Variants in RPSA2 observed in about 807,000 individuals in gnomAD.
RPSA2 encodes ribosomal protein SA 2, also known as small ribosomal subunit protein uS2B.
the RPSA2 span, among the ~76,000 whole-genome samples, chr19:23,766,758 G>GTTT: frequency 7.5e-6 from 1 of 134,042 alleles, no homozygotes; most frequent in African/African-American, 2.8e-5. Flanking sequence ...CGGGCCAAAT[G>GTTT]TTTTTTTTTT....
the RPSA2 span, among the ~76,000 whole-genome samples, chr19:23,811,081 C>T: frequency 1.8e-3 from 278 of 150,478 alleles, 1 homozygote; most frequent in African/African-American, 6.3e-3. Context: ...TGCAGTGGCA[C>T]GATCTTGACT....
At chr19:23,847,439 G>A in the RPSA2 span, among the ~76,000 whole-genome samples, 3 of 152,098 alleles carry the variant, frequency 2.0e-5, no homozygotes, top group African/African-American at 4.8e-5. Flanking sequence ...CTGGGCTGCC[G>A]GGGGTGACAT....
chr19:23,794,818 CAAAT>C, the RPSA2 span, among the ~76,000 whole-genome samples: 1 of 152,026 alleles, frequency 6.6e-6, no homozygotes, highest in Non-Finnish European at 1.5e-5. Flanking sequence ...TTATAATTTT[CAAAT>C]AAATATTTCA....
the RPSA2 span, chr19:23,807,802 T>C: frequency 2.6e-6 from 1 of 382,960 alleles, no homozygotes; most frequent in South Asian, 2.5e-5. Flanking sequence ...TTTGTACATA[T>C]GTGTGTTTGT....
chr19:23,853,979 T>A, the RPSA2 span, among the ~76,000 whole-genome samples: 148,982 of 152,312 alleles, frequency 0.98, 72,955 homozygotes, highest in Middle Eastern at 1. Flanking sequence ...TTGAATGTGT[T>A]TGGTGCAGGT....
At chr19:23,789,622 A>G in the RPSA2 span, among the ~76,000 whole-genome samples, 1 of 152,174 alleles carries the variant, frequency 6.6e-6, no homozygotes, top group Non-Finnish European at 1.5e-5. Flanking sequence ...AAGGTCCTAG[A>G]GAATTACCAC....
At chr19:23,763,582 C>A in the RPSA2 span, among the ~76,000 whole-genome samples, 10 of 152,140 alleles carry the variant, frequency 6.6e-5, no homozygotes, top group African/African-American at 2.4e-4. Flanking sequence ...GATTCTCGTG[C>A]CTCCGCCTCC....
the RPSA2 span, among the ~76,000 whole-genome samples, chr19:23,808,358 C>T: frequency 6.8e-6 from 1 of 147,572 alleles, no homozygotes; most frequent in South Asian, 2.1e-4. Context: ...CAACTTCCGC[C>T]TCCCAGGTTC....
the RPSA2 span, among the ~76,000 whole-genome samples, chr19:23,853,840 T>G: frequency 1.3e-5 from 2 of 152,176 alleles, no homozygotes; most frequent in Non-Finnish European, 2.9e-5. Flanking sequence ...TCTGGGGAAT[T>G]TCATCAGCTT....
At chr19:23,794,585 A>G in the RPSA2 span, among the ~76,000 whole-genome samples, 4 of 152,136 alleles carry the variant, frequency 2.6e-5, no homozygotes, top group East Asian at 7.7e-4. Flanking sequence ...TCTGGATATT[A>G]CACCTTTGTC....
chr19:23,826,462 G>A, the RPSA2 span, among the ~76,000 whole-genome samples: 1 of 151,792 alleles, frequency 6.6e-6, no homozygotes, highest in Non-Finnish European at 1.5e-5. Flanking sequence ...CAAAGTGCTG[G>A]GATTACAGGT....
the RPSA2 span, among the ~76,000 whole-genome samples, chr19:23,792,464 G>C: frequency 2.0e-5 from 3 of 152,130 alleles, no homozygotes; most frequent in African/African-American, 7.2e-5. Flanking sequence ...ACTGAAGATG[G>C]AGTTGTTATT....
chr19:23,806,556 TGGATGGATCATGA>T, the RPSA2 span, among the ~76,000 whole-genome samples: 1 of 151,642 alleles, frequency 6.6e-6, no homozygotes, highest in African/African-American at 2.4e-5. Context: ...GAGACTGAGG[TGGATGGATCATGA>T]AGACAGGAGA....
the RPSA2 span, among the ~76,000 whole-genome samples, chr19:23,760,881 T>G: frequency 6.6e-6 from 1 of 151,348 alleles, no homozygotes; most frequent in Non-Finnish European, 1.5e-5. Flanking sequence ...GGCAGGCTGG[T>G]CTCGAACTCC....
the RPSA2 span, among the ~76,000 whole-genome samples, chr19:23,835,152 T>C: frequency 6.6e-6 from 1 of 152,046 alleles, no homozygotes; most frequent in African/African-American, 2.4e-5. Flanking sequence ...ATACAAATTA[T>C]ATACAAACAT....
At chr19:23,812,806 A>G in the RPSA2 span, among the ~76,000 whole-genome samples, 1 of 152,196 alleles carries the variant, frequency 6.6e-6, no homozygotes, top group Non-Finnish European at 1.5e-5. Context: ...CCTTTGTGTG[A>G]GACAAACACT....
the RPSA2 span, among the ~76,000 whole-genome samples, chr19:23,817,398 AATAT>A: frequency 9.9e-5 from 15 of 152,276 alleles, no homozygotes; most frequent in African/African-American, 2.6e-4. Context: ...AAAATAAATA[AATAT>A]AAATTATTTT....
chr19:23,772,324 T>C, the RPSA2 span, among the ~76,000 whole-genome samples: 6 of 152,156 alleles, frequency 3.9e-5, no homozygotes, highest in African/African-American at 1.4e-4. Flanking sequence ...GCTGAGCACC[T>C]AGGTGATGTG....
chr19:23,864,771 A>T, the RPSA2 span, among the ~76,000 whole-genome samples: 7 of 152,120 alleles, frequency 4.6e-5, no homozygotes. Flanking sequence ...CAAAAATCTG[A>T]GTTATTTGTA....
Sources: gnomAD v4.1 joint callset for allele counts (sites outside exome capture counted in the v4.1 genomes callset) on GRCh38, gnomAD v4.1.1 for gene constraint, MANE v1.5 for transcripts, NCBI Gene and HGNC (gene_info 2026-07-23, HGNC 2026-07-21) for gene names.